The following PDE8B variants were observed in gnomAD, a reference collection of about 807,000 sequenced individuals.
PDE8B encodes the protein high affinity cAMP-specific and IBMX-insensitive 3',5'-cyclic phosphodiesterase 8B.
A neutral mutation model predicts 101.3 loss-of-function variants in PDE8B; 26 were observed. That is an observed-to-expected ratio of 0.26 (90% confidence interval 0.19 to 0.36). The LOEUF (loss-of-function observed/expected upper bound fraction) is 0.36. PDE8B is among the 10% of genes least tolerant of loss of function. PDE8B has a pLI of 1.00. For synonymous variants in PDE8B, 424 were observed against 429.3 expected (o/e 0.99, Z 0.15); for missense variants, 810 against 1,163.1 (o/e 0.70, Z 4.42).
chr5:77,201,967 G>A, the PDE8B span, among the ~76,000 whole-genome samples: 1 of 152,136 alleles, frequency 6.6e-6, no homozygotes, highest in Non-Finnish European at 1.5e-5. Context: ...TCTCTGTGTG[G>A]TCTTTTCTCT....
intron 20 of PDE8B, 34 bp from the exon 21 acceptor site, chr5:77,425,733 T>C (rs1355140656): frequency 1.2e-6 from 2 of 1,610,344 alleles, no homozygotes; most frequent in East Asian, 4.5e-5. Flanking sequence ...GTCTCGCATG[T>C]CCTCCAGCCC....
chr5:77,143,852 T>C, the PDE8B span: 1 of 146,378 alleles, frequency 6.8e-6, no homozygotes, highest in African/African-American at 2.6e-5. Flanking sequence ...GTGGTCCTTC[T>C]TGAGGGATTT....
At chr5:77,370,795 T>C (rs914422045) in intron 10 of PDE8B, among the ~76,000 whole-genome samples, 1 of 152,242 alleles carries the variant, frequency 6.6e-6, no homozygotes, top group African/African-American at 2.4e-5. Context: ...AGGGATTCAG[T>C]TGCTGCACAT....
At chr5:77,202,516 T>C in the PDE8B span, among the ~76,000 whole-genome samples, 1 of 152,262 alleles carries the variant, frequency 6.6e-6, no homozygotes, top group Non-Finnish European at 1.5e-5. Context: ...TAACATTTTC[T>C]TTTCTCTAGC....
chr5:77,301,840 C>T (rs575399018), intron 1 of PDE8B, among the ~76,000 whole-genome samples: 4 of 152,268 alleles, frequency 2.6e-5, no homozygotes, highest in East Asian at 3.9e-4. Flanking sequence ...ACTGCATGTA[C>T]GACAGAAAGA....
rs538308445 is a variant in PDE8B, at chr5:77,279,962, G to A, written c.340-32032G>A. ...GACAGTCATCTTCTTTTCATTGCATGCCTTTCCCTATTTCTGGATTATAGA... is the reference window on the plus strand; with the variant it reads ...GACAGTCATCTTCTTTTCATTGCATACCTTTCCCTATTTCTGGATTATAGA... On this transcript the variant is annotated intron_variant, in intron 1 of 21. Transcript: ENST00000264917. Among the ~76,000 whole-genome samples, 5 of 152,274 alleles carry A rather than the reference G, an allele frequency of 3.3e-5. No homozygotes were observed. In the East Asian group the frequency reaches 9.7e-4, roughly 29 times the overall value.
At chr5:77,337,046 G>A (rs1205226638) in intron 5 of PDE8B, among the ~76,000 whole-genome samples, 181 bp from the exon 6 acceptor site, 1 of 152,122 alleles carries the variant, frequency 6.6e-6, no homozygotes, top group African/African-American at 2.4e-5. Context: ...TTGCTCTGTT[G>A]TTTCTCATAC....
At chr5:77,190,395 A>G in the PDE8B span, among the ~76,000 whole-genome samples, 1 of 152,328 alleles carries the variant, frequency 6.6e-6, no homozygotes, top group South Asian at 2.1e-4. Flanking sequence ...TTGTTAGCTG[A>G]AAAATGTTAC....
intron 10 of PDE8B, among the ~76,000 whole-genome samples, chr5:77,397,561 T>G (rs1159799447): frequency 6.6e-6 from 1 of 152,144 alleles, no homozygotes; most frequent in Non-Finnish European, 1.5e-5. Flanking sequence ...TCTACATCTC[T>G]AAGGCACAGA....
chr5:77,099,877 G>A, the PDE8B span, among the ~76,000 whole-genome samples: 12 of 152,188 alleles, frequency 7.9e-5, no homozygotes, highest in East Asian at 9.7e-4. Context: ...CCCAAAGTGC[G>A]GGGATTACAG....
At chr5:77,181,728 G>C in the PDE8B span, among the ~76,000 whole-genome samples, 2 of 152,150 alleles carry the variant, frequency 1.3e-5, no homozygotes, top group African/African-American at 2.4e-5. Context: ...AGGGTGGCTG[G>C]GGGCATGCTG....
At chr5:77,216,501 G>C (rs1227266809) in intron 1 of PDE8B, among the ~76,000 whole-genome samples, 1 of 152,110 alleles carries the variant, frequency 6.6e-6, no homozygotes, top group Non-Finnish European at 1.5e-5. Flanking sequence ...ACAGTAAGGG[G>C]GGAACTGCCC....
At chr5:77,383,289 G>T (rs1247946009) in intron 10 of PDE8B, among the ~76,000 whole-genome samples, 4 of 151,844 alleles carry the variant, frequency 2.6e-5, no homozygotes, top group East Asian at 2.0e-4. Flanking sequence ...GGGGTTGTTT[G>T]TTTTTTTCTT....
chr5:77,247,455 G>A (rs766001374), intron 1 of PDE8B, among the ~76,000 whole-genome samples: 4 of 152,194 alleles, frequency 2.6e-5, no homozygotes, highest in Non-Finnish European at 5.9e-5. Flanking sequence ...ATGGCCCTGT[G>A]GGGCCACAAC....
chr5:77,160,019 T>A, the PDE8B span, among the ~76,000 whole-genome samples: 2 of 152,292 alleles, frequency 1.3e-5, no homozygotes, highest in African/African-American at 4.8e-5. Context: ...AACAGAGGCA[T>A]AAACCTATGG....
At chr5:77,267,358 T>C (rs1580688326) in intron 1 of PDE8B, among the ~76,000 whole-genome samples, 1 of 151,496 alleles carries the variant, frequency 6.6e-6, no homozygotes, top group East Asian at 1.9e-4. Flanking sequence ...GAGAATTGCT[T>C]GAACCTGGGA....
chr5:77,126,428 A>G, the PDE8B span, among the ~76,000 whole-genome samples: 1 of 152,178 alleles, frequency 6.6e-6, no homozygotes, highest in Non-Finnish European at 1.5e-5. Context: ...TGTTTCCTAC[A>G]AACTTTATTT....
intron 17 of PDE8B, among the ~76,000 whole-genome samples, chr5:77,415,343 A>G (rs923278861): frequency 2.7e-5 from 4 of 147,270 alleles, no homozygotes; most frequent in Non-Finnish European, 5.9e-5. Context: ...TCTTTGTGAT[A>G]AGCTAAAATT....
chr5:77,414,941 T>C (rs1250957922), intron 17 of PDE8B, among the ~76,000 whole-genome samples: 2 of 152,356 alleles, frequency 1.3e-5, no homozygotes, highest in Non-Finnish European at 2.9e-5. Context: ...AACTTGATCA[T>C]ATCTTACTAT....
Sources: gnomAD v4.1 joint callset for allele counts (sites outside exome capture counted in the v4.1 genomes callset) on GRCh38, gnomAD v4.1.1 for gene constraint, MANE v1.5 for transcripts, NCBI Gene and HGNC (gene_info 2026-07-23, HGNC 2026-07-21) for gene names.